Variants in IMPG2 observed in about 807,000 individuals in gnomAD.
The protein encoded by IMPG2 is IPM 200.
Under a neutral mutation model 129.2 loss-of-function variants are expected in IMPG2, and 91 were observed. That is an observed-to-expected ratio of 0.70 (90% CI 0.59 to 0.84). The LOEUF is 0.84. Ranked by LOEUF, IMPG2 falls within the 40% of genes least tolerant of loss-of-function variation. The pLI is 0.00. For missense variants in IMPG2, 1,430 were observed against 1,461.7 expected (o/e 0.98, Z 0.35); for synonymous variants, 510 against 517.7 (o/e 0.99, Z 0.20).
chr3:101,315,469 A>C (rs1270831956), intron 2 of IMPG2, among the ~76,000 whole-genome samples: 1 of 152,202 alleles, frequency 6.6e-6, no homozygotes, highest in African/African-American at 2.4e-5. Flanking sequence ...TCTGATGGTT[A>C]AATGTACAAA....
rs1389167252 is a variant in IMPG2, at chr3:101,244,368, T to C, written c.1963A>G (p.Met655Val). The C allele has an allele frequency of 4.3e-6, 7 of 1,614,088 alleles. No homozygotes were observed. The South Asian group carries it at 5.5e-5, about 13-fold the overall frequency. ...TTACTAATTTGGTCTGTGGAATCCA[T>C]TTTGTCAACTAAAACTAGTTTCTTG... ...EDKKLVLVDK[M>V]DSTDQISKHS... The change falls in exon 13 of 19, where the codon ATG (methionine) becomes GTG (valine). Residue 655 changes from methionine (M) to valine (V), a missense_variant. Physicochemically the swap from Met to Val is conservative, Grantham distance 21. Transcript: ENST00000193391.
intron 11 of IMPG2, among the ~76,000 whole-genome samples, chr3:101,247,593 G>T (rs545813531): frequency 2.4e-5 from 2 of 83,926 alleles, no homozygotes. Flanking sequence ...GCAAAACTCC[G>T]TCTCAAAATA....
At chr3:101,312,019 C>G (rs1009196767) in intron 2 of IMPG2, among the ~76,000 whole-genome samples, 4 of 119,796 alleles carry the variant, frequency 3.3e-5, no homozygotes, top group Admixed American at 8.0e-5. Context: ...ATCCTTACAT[C>G]ATATACAAAA....
In IMPG2 at chr3:101,245,756, T is replaced by C. The variant is rs773586855; in HGVS notation, c.1543+46A>G. 5.2e-6 allele frequency: 8 copies of C among 1,548,174 alleles called. No individual in the cohort carries two copies. The South Asian group carries it at 7.8e-5, about 15-fold the overall frequency. ...TCTCTTCCTCTCTTTAAAACCCCTG[T>C]CATCGGATACAATAAGAAGTACGAA... On this transcript the variant is annotated intron_variant, in intron 12 of 18. Transcript: ENST00000193391.
In IMPG2 at chr3:101,245,039, T is replaced by A. The variant is rs1050727929; in HGVS notation, c.1544-252A>T. On this transcript the variant is annotated intron_variant, in intron 12 of 18. Transcript: ENST00000193391. ...ACTATTGAAATAATCTTCAAACACT[T>A]GTTTTTTTTTTTAATTCCACGAAAA... is the stretch of plus-strand genomic sequence containing the variant. 5.4e-5 allele frequency among the ~76,000 whole-genome samples: 8 copies of A among 147,248 alleles called. No homozygotes were observed. In the East Asian group the frequency reaches 1.6e-3, roughly 30 times the overall value.
chr3:101,282,381 T>A (rs865897387), intron 4 of IMPG2, among the ~76,000 whole-genome samples: 1 of 152,174 alleles, frequency 6.6e-6, no homozygotes, highest in Admixed American at 6.5e-5. Flanking sequence ...CACTTCAACC[T>A]CATCTGCCCT....
chr3:101,300,940 CTT>C (rs1707133875), intron 3 of IMPG2, among the ~76,000 whole-genome samples: 1 of 152,206 alleles, frequency 6.6e-6, no homozygotes, highest in African/African-American at 2.4e-5. Flanking sequence ...TCATTTCTAA[CTT>C]TTGATTTAAA....
intron 14 of IMPG2, among the ~76,000 whole-genome samples, chr3:101,235,509 C>G (rs1025936270): frequency 2.6e-5 from 4 of 152,140 alleles, no homozygotes; most frequent in Non-Finnish European, 5.9e-5. Context: ...TCTATCTTTT[C>G]TATACATTAG....
In IMPG2 at chr3:101,229,698, C is replaced by T. The variant is rs111652219; in HGVS notation, c.3423-108G>A. On this transcript the variant is annotated intron_variant, in intron 16 of 18. Coordinates refer to ENST00000193391, the MANE Select transcript of IMPG2 (RefSeq NM_016247.4). ...GTTGAAGAAAAACAGGTGCACTTTA[C>T]ACAAATGGTGGGACATAACTGTGAA... 27 of 925,430 alleles carry T rather than the reference C, an allele frequency of 2.9e-5. No individual in the cohort carries two copies. The African/African-American group carries it at 3.4e-4, about 12-fold the overall frequency. 57.3% of individuals were successfully genotyped at this position (925,430 alleles called of 1,614,324 possible).
chr3:101,279,877 C>A (rs1706875207), intron 4 of IMPG2, among the ~76,000 whole-genome samples: 1 of 152,168 alleles, frequency 6.6e-6, no homozygotes, highest in African/African-American at 2.4e-5. Context: ...AACTCTTAAT[C>A]CCTCAACCAC....
chr3:101,252,971 G>A lies in IMPG2; in HGVS notation c.1239+725C>T, dbSNP rs532356285. Among the ~76,000 whole-genome samples the A allele has an allele frequency of 6.6e-5, 10 of 152,282 alleles. No individual in the cohort carries two copies. In the East Asian group the frequency reaches 1.5e-3, roughly 24 times the overall value. On this transcript the variant is annotated intron_variant, in intron 11 of 18. Coordinates refer to ENST00000193391, the MANE Select transcript of IMPG2 (RefSeq NM_016247.4). The stretch of plus-strand genomic sequence containing the variant: ...ACAAAAGATTCCTGTATTCATTGTA[G>A]ACAAGTAATTCTGTAGTGGTTTTTA...
intron 12 of IMPG2, among the ~76,000 whole-genome samples, chr3:101,245,458 C>T (rs1045335775): frequency 7.2e-5 from 11 of 152,152 alleles, no homozygotes; most frequent in Non-Finnish European, 1.6e-4. Flanking sequence ...GAATAATCTT[C>T]TTTGGTGCTA....
In IMPG2 at chr3:101,244,573, C is replaced by A; in HGVS notation, c.1758G>T (p.Leu586=). ...VKDQLKVSPF[L]PDASMEKELI... is the part of the protein sequence containing the mutation. ...ACTCTTTTTCCATGGATGCATCTGG[C>A]AGGAAAGGGCTCACTTTTAATTGGT... is the stretch of plus-strand genomic sequence containing the variant. The change falls in exon 13 of 19, where the codon CTG becomes CTT. Residue 586 remains leucine, a synonymous_variant. Coordinates refer to ENST00000193391, the MANE Select transcript of IMPG2 (RefSeq NM_016247.4). The A allele has an allele frequency of 1.3e-6, 2 of 1,592,854 alleles. No individual in the cohort carries two copies.
In IMPG2 at chr3:101,293,133, C is replaced by CCATCTA. The variant is rs770336197; in HGVS notation, c.502-1629_502-1624dup. 1.3e-3 allele frequency among the ~76,000 whole-genome samples: 194 copies of CCATCTA among 152,134 alleles called. 1 individual carries two copies. Among genetic ancestry groups the CCATCTA allele is most frequent in the Non-Finnish European group, 2.3e-3 (157 of 68,032 alleles). On this transcript the variant is annotated intron_variant, in intron 3 of 18. Transcript: ENST00000193391. The stretch of plus-strand genomic sequence containing the variant: ...TATTGAGTCATGAATGTTGTCAGTG[C>CCATCTA]CATCTAGATGGTAAATCCTTTCCTG...
intron 2 of IMPG2, among the ~76,000 whole-genome samples, chr3:101,318,709 C>T (rs904849851): frequency 6.6e-6 from 1 of 152,112 alleles, no homozygotes; most frequent in Non-Finnish European, 1.5e-5. Context: ...ATCACTTCAT[C>T]ATCTAATTTC....
At chr3:101,269,451 T>G (rs942069988) in intron 8 of IMPG2, 64 bp downstream of exon 8, 3 of 894,058 alleles carry the variant, frequency 3.4e-6, no homozygotes, top group Non-Finnish European at 1.9e-6. Flanking sequence ...ATAAATATAA[T>G]GGACATTCCA....
At chr3:101,249,749 C>T (rs1706523356) in intron 11 of IMPG2, among the ~76,000 whole-genome samples, 1 of 143,648 alleles carries the variant, frequency 7.0e-6, no homozygotes. Context: ...AATCCCCTAA[C>T]AGAAGTGACC....
intron 16 of IMPG2, among the ~76,000 whole-genome samples, chr3:101,230,072 C>T (rs1706269937): frequency 6.6e-6 from 1 of 152,232 alleles, no homozygotes; most frequent in African/African-American, 2.4e-5. Flanking sequence ...CTGTTCTACA[C>T]ACTGCTGACA....
chr3:101,227,124 T>C lies in IMPG2; in HGVS notation c.3714-143A>G, dbSNP rs529227587. ...TTCTTTATTTGAAGGAAAGTTGTTC[T>C]GTTCTGTGCTAAAAATTTTTTTAAT... On this transcript the variant is annotated intron_variant, in intron 18 of 18. Coordinates refer to ENST00000193391, the MANE Select transcript of IMPG2 (RefSeq NM_016247.4). 8.5e-6 allele frequency: 8 copies of C among 944,830 alleles called. No homozygotes were observed. In the East Asian group the frequency reaches 2.1e-4, roughly 25 times the overall value. 58.5% of individuals were successfully genotyped at this position (944,830 alleles called of 1,614,324 possible).
Sources: gnomAD v4.1 joint callset for allele counts (sites outside exome capture counted in the v4.1 genomes callset) on GRCh38, gnomAD v4.1.1 for gene constraint, MANE v1.5 for transcripts, NCBI Gene and HGNC (gene_info 2026-07-23, HGNC 2026-07-21) for gene names.